COBL: variants seen among roughly 807,000 people sequenced by gnomAD.
COBL encodes the protein protein cordon-bleu.
In COBL, 51 loss-of-function variants were observed where a neutral mutation model predicts 98.8. The ratio of observed to expected loss-of-function variants is 0.52; its 90% confidence interval spans 0.41 to 0.65. COBL has a LOEUF of 0.65. COBL is among the 30% of genes least tolerant of loss of function. The pLI is 0.00. For missense variants in COBL, 1,617 were observed against 1,617.5 expected, an observed-to-expected ratio of 1.00 and a Z score of 0.01; for synonymous variants, 634 against 651.7, an observed-to-expected ratio of 0.97 and a Z score of 0.41.
chr7:51,119,284 G>A (rs1013353446), intron 6 of COBL, among the ~76,000 whole-genome samples: 14 of 151,994 alleles, frequency 9.2e-5, no homozygotes, highest in African/African-American at 3.4e-4. Flanking sequence ...TATATATGGC[G>A]ACACATTTTC....
chr7:51,174,862 C>T (rs1165623849), intron 5 of COBL, among the ~76,000 whole-genome samples: 2 of 152,206 alleles, frequency 1.3e-5, no homozygotes, highest in African/African-American at 4.8e-5. Flanking sequence ...AACAAACTCT[C>T]TACATTAATC....
chr7:51,057,807 G>C (rs1270272956), intron 7 of COBL, among the ~76,000 whole-genome samples: 1 of 152,108 alleles, frequency 6.6e-6, no homozygotes, highest in Non-Finnish European at 1.5e-5. Context: ...TAGGGTTTCA[G>C]GGTCTGTCCC....
At chr7:51,161,280 G>C (rs866811879) in intron 5 of COBL, among the ~76,000 whole-genome samples, 1 of 152,200 alleles carries the variant, frequency 6.6e-6, no homozygotes, top group East Asian at 1.9e-4. Context: ...AATCCCCCTG[G>C]AGACCCGGAT....
intron 2 of COBL, among the ~76,000 whole-genome samples, chr7:51,219,196 C>A (rs980448653): frequency 1.3e-5 from 2 of 152,192 alleles, no homozygotes; most frequent in African/African-American, 4.8e-5. Context: ...CATGTGGGAA[C>A]TGAGGGTCTC....
intron 5 of COBL, among the ~76,000 whole-genome samples, chr7:51,141,381 T>C (rs1431426837): frequency 1.3e-5 from 2 of 152,146 alleles, no homozygotes; most frequent in Non-Finnish European, 2.9e-5. Context: ...GATCAGATCC[T>C]CTTAGAAGGA....
At chr7:51,183,535 C>G (rs541279225) in intron 5 of COBL, among the ~76,000 whole-genome samples, 1 of 152,182 alleles carries the variant, frequency 6.6e-6, no homozygotes, top group South Asian at 2.1e-4. Flanking sequence ...CAAAATATGA[C>G]TCTGAGATGT....
intron 6 of COBL, among the ~76,000 whole-genome samples, chr7:51,135,893 T>G (rs1475338109): frequency 6.6e-6 from 1 of 152,228 alleles, no homozygotes; most frequent in East Asian, 1.9e-4. Flanking sequence ...ATGGTGGATC[T>G]GACATATTAG....
rs147760226 is a variant in COBL, at chr7:51,305,075, C to T, written c.41+11518G>A. Among the ~76,000 whole-genome samples the T allele has an allele frequency of 2.6e-3, 390 of 152,294 alleles. 2 individuals are homozygous for T. The highest frequency in any genetic ancestry group is 9.1e-3 in the African/African-American group (379 of 41,564). On this transcript the variant is annotated intron_variant, in intron 1 of 12. Coordinates refer to ENST00000265136, the MANE Select transcript of COBL (RefSeq NM_015198.5). The stretch of plus-strand genomic sequence containing the variant: ...CAGTCCCTATGTCACTGTGACACAA[C>T]AAAGAGGGACATAAGCTGAGCCTTG...
chr7:51,222,685 C>T lies in COBL; in HGVS notation c.42-2741G>A, dbSNP rs1008397900. 3.3e-5 allele frequency among the ~76,000 whole-genome samples: 5 copies of T among 149,416 alleles called. No individual in the cohort carries two copies. The Admixed American group carries it at 3.3e-4, about 10-fold the overall frequency. On this transcript the variant is annotated intron_variant, in intron 1 of 12. Coordinates refer to ENST00000265136, the MANE Select transcript of COBL (RefSeq NM_015198.5). ...AGGGGTAGAGGCCCAGGCTCGGAGA[C>T]ATTAGCATTACCTCCCAAAGGTGTT...
rs146427443 is a variant in COBL, at chr7:51,129,748, T to C, written c.957+6410A>G. ...TGCAGTGAGGAGGTGAACAGGATGC[T>C]AGGGAGAGGCAGGTGAAAGGCTCTG... On this transcript the variant is annotated intron_variant, in intron 6 of 12. Coordinates refer to ENST00000265136, the MANE Select transcript of COBL (RefSeq NM_015198.5). Among the ~76,000 whole-genome samples, 44 of 151,932 alleles carry C rather than the reference T, an allele frequency of 2.9e-4. 1 individual carries two copies. The East Asian group carries it at 8.4e-3, about 29-fold the overall frequency.
At chr7:51,266,863 G>A (rs774441633) in intron 1 of COBL, among the ~76,000 whole-genome samples, 1 of 152,060 alleles carries the variant, frequency 6.6e-6, no homozygotes, top group Non-Finnish European at 1.5e-5. Context: ...GCCCTTGGGA[G>A]GAGTCCCAAG....
intron 7 of COBL, among the ~76,000 whole-genome samples, chr7:51,054,900 T>G (rs910950289): frequency 4.6e-5 from 7 of 152,188 alleles, no homozygotes; most frequent in Non-Finnish European, 7.3e-5. Flanking sequence ...AAACATCGTT[T>G]CCTTTCCACA....
intron 5 of COBL, among the ~76,000 whole-genome samples, chr7:51,146,408 C>A (rs1344808274): frequency 6.6e-6 from 1 of 152,210 alleles, no homozygotes; most frequent in African/African-American, 2.4e-5. Flanking sequence ...CAGGCATACT[C>A]ATCTCAAGGT....
At chr7:51,269,410 T>C (rs1283993157) in intron 1 of COBL, among the ~76,000 whole-genome samples, 1 of 152,184 alleles carries the variant, frequency 6.6e-6, no homozygotes, top group Admixed American at 6.5e-5. Flanking sequence ...GCACTTGTCA[T>C]GCCGTGCTGC....
At chr7:51,167,560 A>C (rs140486995) in intron 5 of COBL, among the ~76,000 whole-genome samples, 3,493 of 152,216 alleles carry the variant, frequency 0.023, 144 homozygotes, top group African/African-American at 0.08. Flanking sequence ...CATTCTTCAC[A>C]GAAATAGAAA....
chr7:51,145,786 G>A (rs1423357693), intron 5 of COBL, among the ~76,000 whole-genome samples: 2 of 152,168 alleles, frequency 1.3e-5, no homozygotes, highest in Non-Finnish European at 2.9e-5. Flanking sequence ...GTTTATCCAC[G>A]TCCTGGCCAA....
At chr7:51,228,662 G>A (rs1004656919) in intron 1 of COBL, among the ~76,000 whole-genome samples, 1 of 152,080 alleles carries the variant, frequency 6.6e-6, no homozygotes, top group Admixed American at 6.5e-5. Context: ...CTAAACTCCA[G>A]GGCCTGTAGA....
At chr7:51,084,949 C>G (rs77366962) in intron 7 of COBL, among the ~76,000 whole-genome samples, 12,594 of 152,224 alleles carry the variant, frequency 0.083, 748 homozygotes, top group South Asian at 0.12. Flanking sequence ...CACCGTCCCC[C>G]GCCTCCTAAA....
intron 7 of COBL, among the ~76,000 whole-genome samples, chr7:51,073,923 C>T (rs2128926258): frequency 6.6e-6 from 1 of 152,272 alleles, no homozygotes; most frequent in Admixed American, 6.5e-5. Context: ...TGGATATCAA[C>T]TCCAAGTACC....
Sources: gnomAD v4.1 joint callset for allele counts (sites outside exome capture counted in the v4.1 genomes callset) on GRCh38, gnomAD v4.1.1 for gene constraint, MANE v1.5 for transcripts, NCBI Gene and HGNC (gene_info 2026-07-23, HGNC 2026-07-21) for gene names.